Variants in VAV2 observed in about 807,000 individuals in gnomAD.
The protein encoded by VAV2 is guanine nucleotide exchange factor VAV2.
VAV2 carries 67 observed loss-of-function variants against 132.5 expected under a neutral mutation model. The ratio of observed to expected loss-of-function variants is 0.51; its 90% confidence interval spans 0.42 to 0.62. VAV2 has a LOEUF of 0.62. Among genes scored for constraint, VAV2 ranks in the 20% least tolerant of loss-of-function variants. The pLI, the probability that VAV2 is intolerant of heterozygous loss-of-function variation, is 0.00. For synonymous variants in VAV2, 492 were observed against 443.5 expected, an observed-to-expected ratio of 1.11 and a Z score of -1.37; for missense variants, 938 against 1,153.6, an observed-to-expected ratio of 0.81 and a Z score of 2.71.
At chr9:133,770,311 C>G in intron 27 of VAV2, 67 bp downstream of exon 27, 1 of 1,604,680 alleles carries the variant, frequency 6.2e-7, no homozygotes, top group South Asian at 1.1e-5. Context: ...GGATCTGAGC[C>G]CTGGGAAGTG....
chr9:133,777,065 TAG>T (rs1833842023), intron 23 of VAV2, among the ~76,000 whole-genome samples: 1 of 152,204 alleles, frequency 6.6e-6, no homozygotes, highest in African/African-American at 2.4e-5. Flanking sequence ...AGAGATCTTA[TAG>T]AGTCCCCGAA....
At chr9:133,966,600 G>A (rs552387649) in intron 1 of VAV2, among the ~76,000 whole-genome samples, 12 of 152,300 alleles carry the variant, frequency 7.9e-5, no homozygotes, top group African/African-American at 2.9e-4. Flanking sequence ...CAGCTACTTG[G>A]GGGCTGAGGT....
intron 1 of VAV2, among the ~76,000 whole-genome samples, chr9:133,963,502 T>G (rs1006649055): frequency 6.6e-6 from 1 of 152,146 alleles, no homozygotes; most frequent in Non-Finnish European, 1.5e-5. Flanking sequence ...GGTCCAGTCG[T>G]GCCGACAGGC....
intron 1 of VAV2, among the ~76,000 whole-genome samples, chr9:133,942,433 G>A (rs563732994): frequency 1.3e-5 from 2 of 152,368 alleles, no homozygotes; most frequent in South Asian, 2.1e-4. Context: ...AAGCCACCAC[G>A]GTCGATGGTG....
intron 1 of VAV2, among the ~76,000 whole-genome samples, chr9:133,954,375 C>G (rs958471042): frequency 6.6e-6 from 1 of 152,222 alleles, no homozygotes; most frequent in African/African-American, 2.4e-5. Context: ...CAAGGAGGAG[C>G]AAGTGCGCGT....
At chr9:133,931,017 G>A (rs1027823080) in intron 2 of VAV2, among the ~76,000 whole-genome samples, 15 of 152,202 alleles carry the variant, frequency 9.9e-5, no homozygotes, top group African/African-American at 3.1e-4. Flanking sequence ...GCGGCCTAGC[G>A]ATTTCCTCTG....
At chr9:133,968,874 G>T (rs918281978) in intron 1 of VAV2, among the ~76,000 whole-genome samples, 23 of 152,198 alleles carry the variant, frequency 1.5e-4, no homozygotes, top group African/African-American at 5.6e-4. Flanking sequence ...ACCCTCGGTT[G>T]CAGCAAATGT....
At chr9:133,915,908 G>A (rs1245989291) in intron 2 of VAV2, among the ~76,000 whole-genome samples, 3 of 141,372 alleles carry the variant, frequency 2.1e-5, no homozygotes, top group Admixed American at 1.4e-4. Context: ...CGATGCACAC[G>A]TGCACACACA....
chr9:133,778,958 G>A (rs997129393), intron 21 of VAV2, 69 bp from the exon 22 acceptor site: 11 of 1,574,056 alleles, frequency 7.0e-6, no homozygotes, highest in African/African-American at 4.0e-5. Context: ...GCCCCGGCCC[G>A]CAGCCCACCC....
intron 1 of VAV2, among the ~76,000 whole-genome samples, chr9:133,962,293 G>A (rs1416060035): frequency 6.6e-6 from 1 of 152,138 alleles, no homozygotes; most frequent in Non-Finnish European, 1.5e-5. Flanking sequence ...CCATCTTCTA[G>A]GAGGGCCTGG....
chr9:133,851,909 GTGGATGGATGGA>G (rs58259577), intron 3 of VAV2, among the ~76,000 whole-genome samples: 150 of 140,852 alleles, frequency 1.1e-3, no homozygotes, highest in African/African-American at 1.9e-3. Context: ...GGATGGATGG[GTGGATGGATGGA>G]TGGATGGATG....
At chr9:133,860,385 A>C (rs934007710) in intron 3 of VAV2, among the ~76,000 whole-genome samples, 4 of 152,144 alleles carry the variant, frequency 2.6e-5, no homozygotes, top group Non-Finnish European at 5.9e-5. Flanking sequence ...TGAGAATCCA[A>C]CAACGGAAGT....
intron 2 of VAV2, among the ~76,000 whole-genome samples, chr9:133,905,286 A>G (rs1027125058): frequency 7.3e-5 from 11 of 151,586 alleles, no homozygotes; most frequent in Non-Finnish European, 1.2e-4. Context: ...AATACAAAAA[A>G]TTAGCCGGGC....
chr9:133,917,441 CTTTTTT>C (rs56141918), intron 2 of VAV2, among the ~76,000 whole-genome samples: 1 of 132,610 alleles, frequency 7.5e-6, no homozygotes, highest in Non-Finnish European at 1.5e-5. Context: ...AAAACTCTTT[CTTTTTT>C]TTTTTTTTTG....
intron 2 of VAV2, among the ~76,000 whole-genome samples, chr9:133,901,219 C>T (rs530133303): frequency 5.3e-5 from 8 of 152,190 alleles, no homozygotes; most frequent in Non-Finnish European, 1.0e-4. Flanking sequence ...AGCACCACTC[C>T]GGGGGCCCAG....
chr9:133,913,132 A>C (rs1425070481), intron 2 of VAV2, among the ~76,000 whole-genome samples: 2 of 152,130 alleles, frequency 1.3e-5, no homozygotes, highest in East Asian at 3.9e-4. Context: ...TGGCACTCTG[A>C]GAGGGGCGCC....
At chr9:133,952,923 G>A (rs1841612359) in intron 1 of VAV2, among the ~76,000 whole-genome samples, 1 of 150,062 alleles carries the variant, frequency 6.7e-6, no homozygotes, top group Non-Finnish European at 1.5e-5. Context: ...GAACCTGGAG[G>A]GAGCATGGCC....
chr9:133,963,277 C>T (rs1233709084), intron 1 of VAV2, among the ~76,000 whole-genome samples: 1 of 152,146 alleles, frequency 6.6e-6, no homozygotes, highest in African/African-American at 2.4e-5. Context: ...TCAGCAGAGT[C>T]AGCAGCCCAG....
At chr9:133,948,340 G>C (rs949696623) in intron 1 of VAV2, among the ~76,000 whole-genome samples, 1 of 152,260 alleles carries the variant, frequency 6.6e-6, no homozygotes, top group Non-Finnish European at 1.5e-5. Context: ...CCGCCTTTGC[G>C]CATGGCCTCG....
Sources: allele counts gnomAD v4.1 joint callset (sites outside exome capture counted in the v4.1 genomes callset), GRCh38; gene constraint gnomAD v4.1.1; transcripts MANE v1.5; gene names NCBI Gene and HGNC (gene_info 2026-07-23, HGNC 2026-07-21).